Variants in MYH11 observed in about 807,000 individuals in gnomAD.
MYH11 encodes the protein myosin-11.
Under a neutral mutation model 246.6 loss-of-function variants are expected in MYH11, and 80 were observed. The observed-to-expected ratio is 0.32, with a 90% confidence interval of 0.27 to 0.39. MYH11 has a LOEUF of 0.39. Ranked by LOEUF, MYH11 falls within the 10% of genes least tolerant of loss-of-function variation. MYH11 has a pLI of 1.00. For missense variants in MYH11, 2,158 were observed against 2,546.8 expected, an observed-to-expected ratio of 0.85 and a Z score of 3.29; for synonymous variants, 1,071 against 1,015.5, an observed-to-expected ratio of 1.05 and a Z score of -1.04.
chr16:15,801,758 A>T (rs552302575), intron 3 of MYH11, among the ~76,000 whole-genome samples: 2 of 152,230 alleles, frequency 1.3e-5, no homozygotes, highest in Non-Finnish European at 2.9e-5. Context: ...GGAGTTCAAG[A>T]CCAGCCTGGC....
chr16:15,726,930 G>A lies in MYH11; in HGVS notation c.3776C>T (p.Ala1259Val), dbSNP rs138623948. ...EVEHKKKKLE[A>V]QVQELQSKCS... ...CTTGGACTGCAGCTCCTGCACCTGC[G>A]CCTCCAGCTTCTTCTTCTTATGTTC... The change falls in exon 28 of 41, where the codon GCG becomes GTG. Residue 1259 changes from alanine (A) to valine (V), a missense_variant. This residue lies in a region of MYH11 where 1,013 missense variants were observed against 993.5 expected (regional missense o/e 1.02). Coordinates refer to ENST00000300036, the MANE Select transcript of MYH11 (RefSeq NM_002474.3). 83 of 1,612,994 alleles carry A rather than the reference G, an allele frequency of 5.1e-5. No individual in the cohort carries two copies. The African/African-American group carries it at 9.9e-4, about 19-fold the overall frequency.
chr16:15,826,138 G>GTTCA (rs1312285862), intron 2 of MYH11, among the ~76,000 whole-genome samples: 2 of 150,006 alleles, frequency 1.3e-5, no homozygotes, highest in African/African-American at 2.5e-5. Context: ...ACTACTGATC[G>GTTCA]TTCGTTCATT....
At chr16:15,758,967 A>G (rs2041802279) in intron 12 of MYH11, among the ~76,000 whole-genome samples, 1 of 151,616 alleles carries the variant, frequency 6.6e-6, no homozygotes. Flanking sequence ...CTGTCTCAAA[A>G]AAAAAAAAAC....
At chr16:15,757,356 A>G (rs961981043) in intron 13 of MYH11, among the ~76,000 whole-genome samples, 7 of 149,878 alleles carry the variant, frequency 4.7e-5, no homozygotes, top group African/African-American at 1.5e-4. Flanking sequence ...TGAAAATACA[A>G]AAGTTAGGTG....
Position 15,708,832 on chromosome 16 carries a change from G to T in MYH11, c.5787-4709C>A, listed in dbSNP as rs1057524493. 5 of 1,610,160 alleles carry T rather than the reference G, an allele frequency of 3.1e-6. No individual in the cohort carries two copies. The highest frequency in any genetic ancestry group is 4.2e-6 in the Non-Finnish European group (5 of 1,178,668). ...TGCATCACTGCGAAGTTTCCTGTGG[G>T]GGGGGCCCTCTGAAACAGAGAGAGA... On this transcript the variant is annotated intron_variant, in intron 40 of 40. Coordinates refer to ENST00000300036, the MANE Select transcript of MYH11 (RefSeq NM_002474.3).
chr16:15,776,253 C>CCAATT (rs1352146134), intron 7 of MYH11, 77 bp from the exon 8 acceptor site: 1 of 961,120 alleles, frequency 1.0e-6, no homozygotes, highest in African/African-American at 1.6e-5. Flanking sequence ...CCTGTCACAC[C>CCAATT]CAATTCACAT....
At chr16:15,777,294 G>C (rs1165683135) in intron 7 of MYH11, among the ~76,000 whole-genome samples, 1 of 152,102 alleles carries the variant, frequency 6.6e-6, no homozygotes, top group Non-Finnish European at 1.5e-5. Context: ...GATAATTTTT[G>C]TATTTTTAGT....
intron 20 of MYH11, among the ~76,000 whole-genome samples, chr16:15,744,851 C>T (rs1187561261): frequency 6.6e-6 from 1 of 152,246 alleles, no homozygotes; most frequent in African/African-American, 2.4e-5. Context: ...GAGTGGTTTC[C>T]ATGGCTACGG....
In MYH11 at chr16:15,740,624, A is replaced by T. The variant is rs78327453; in HGVS notation, c.2860-436T>A. Reference sequence around the variant, plus strand: ...AGACTCTGTCTCAAAAAAAAAAAAAAAATAAAGACCTGGGTAAGCTGCTCT... The same window carrying T: ...AGACTCTGTCTCAAAAAAAAAAAAATAATAAAGACCTGGGTAAGCTGCTCT... On this transcript the variant is annotated intron_variant, in intron 22 of 40. Transcript: ENST00000300036. Among the ~76,000 whole-genome samples, 78 of 150,986 alleles carry T rather than the reference A, an allele frequency of 5.2e-4. No homozygotes were observed. The East Asian group carries it at 0.01, about 20-fold the overall frequency.
At chr16:15,777,562 G>C (rs763090737) in intron 7 of MYH11, among the ~76,000 whole-genome samples, 3 of 152,184 alleles carry the variant, frequency 2.0e-5, no homozygotes, top group Non-Finnish European at 4.4e-5. Flanking sequence ...CACAGGAAAT[G>C]AATTGCTGAG....
intron 3 of MYH11, among the ~76,000 whole-genome samples, chr16:15,806,441 A>T (rs1449373545): frequency 6.6e-6 from 1 of 152,072 alleles, no homozygotes; most frequent in Non-Finnish European, 1.5e-5. Flanking sequence ...AGGAATATGG[A>T]GTGACAAAAA....
intron 19 of MYH11, among the ~76,000 whole-genome samples, chr16:15,745,977 T>C (rs2041409026): frequency 6.6e-6 from 1 of 152,064 alleles, no homozygotes; most frequent in East Asian, 1.9e-4. Flanking sequence ...AGTGCAGTGG[T>C]GTGATGATGG....
At chr16:15,772,986 T>C (rs952733509) in intron 8 of MYH11, among the ~76,000 whole-genome samples, 2 of 152,178 alleles carry the variant, frequency 1.3e-5, no homozygotes, top group African/African-American at 4.8e-5. Flanking sequence ...GTGACTAGTA[T>C]AATTATTTCA....
intron 3 of MYH11, among the ~76,000 whole-genome samples, chr16:15,801,305 T>A (rs2042879043): frequency 6.6e-6 from 1 of 152,116 alleles, no homozygotes; most frequent in African/African-American, 2.4e-5. Context: ...CCAAAATATA[T>A]TAAGCTAAAA....
At chr16:15,725,652 G>A (rs2040717794) in intron 28 of MYH11, 1 of 399,794 alleles carries the variant, frequency 2.5e-6, no homozygotes, top group African/African-American at 2.1e-5. Flanking sequence ...CAAAAGCCCT[G>A]CTCTCAACTG....
intron 38 of MYH11, 103 bp downstream of exon 38, chr16:15,717,037 T>A (rs2040189648): frequency 7.8e-7 from 1 of 1,287,160 alleles, no homozygotes; most frequent in South Asian, 1.2e-5. Context: ...GCTTGCTTCT[T>A]ACAAGCCAGA....
chr16:15,721,381 A>G (rs1399876199), intron 32 of MYH11, 41 bp downstream of exon 32: 17 of 1,597,996 alleles, frequency 1.1e-5, no homozygotes, highest in Non-Finnish European at 1.5e-5. Context: ...GAGGGTGGGC[A>G]GGCGAAACAT....
intron 3 of MYH11, among the ~76,000 whole-genome samples, chr16:15,808,336 C>T (rs1380469290): frequency 1.3e-5 from 2 of 152,174 alleles, no homozygotes; most frequent in Non-Finnish European, 2.9e-5. Context: ...GGAGTAAGCA[C>T]AGTCATCATC....
intron 2 of MYH11, among the ~76,000 whole-genome samples, chr16:15,835,062 C>T (rs2043856109): frequency 7.0e-6 from 1 of 143,042 alleles, no homozygotes; most frequent in Admixed American, 7.2e-5. Flanking sequence ...GCCTCAAAGA[C>T]AGAGTAAGCC....
Sources: gnomAD v4.1 joint callset for allele counts (sites outside exome capture counted in the v4.1 genomes callset) on GRCh38, gnomAD v4.1.1 for gene constraint, gnomAD v4.1.1 regional missense constraint, MANE v1.5 for transcripts, NCBI Gene and HGNC (gene_info 2026-07-23, HGNC 2026-07-21) for gene names.